The following CSMD1 variants were observed in gnomAD, a reference collection of about 807,000 sequenced individuals.
The protein encoded by CSMD1 is CUB and sushi domain-containing protein 1.
Under a neutral mutation model 417.5 loss-of-function variants are expected in CSMD1, and 213 were observed. That is an observed-to-expected ratio of 0.51 (90% CI 0.46 to 0.57). The LOEUF is 0.57. CSMD1 is among the 20% of genes least tolerant of loss of function. The probability of loss-of-function intolerance (pLI) is 0.00; values close to 1 mark genes in which losing one functional copy is unlikely to be tolerated. For missense variants in CSMD1, 6,923 were observed against 4,529.7 expected (o/e 1.53, Z -15.17); for synonymous variants, 2,862 against 1,736.8 (o/e 1.65, Z -16.11).
At chr8:4,073,851 C>T (rs923969805) in intron 3 of CSMD1, among the ~76,000 whole-genome samples, 1 of 152,014 alleles carries the variant, frequency 6.6e-6, no homozygotes, top group Non-Finnish European at 1.5e-5. Flanking sequence ...GGGTTTAAAA[C>T]AGTTTAAATT....
chr8:3,546,364 A>G (rs994703643), intron 10 of CSMD1, among the ~76,000 whole-genome samples: 1 of 151,954 alleles, frequency 6.6e-6, no homozygotes, highest in African/African-American at 2.4e-5. Flanking sequence ...TGAAATCCCC[A>G]TCTCTACTAA....
chr8:3,966,631 C>G (rs947615246), intron 5 of CSMD1, among the ~76,000 whole-genome samples: 1 of 151,844 alleles, frequency 6.6e-6, no homozygotes, highest in African/African-American at 2.4e-5. Context: ...TTTCAATTAG[C>G]CTGCAAGGTC....
chr8:4,069,378 T>A (rs996766399), intron 3 of CSMD1, among the ~76,000 whole-genome samples: 43 of 152,384 alleles, frequency 2.8e-4, no homozygotes, highest in African/African-American at 9.4e-4. Context: ...TTTTACTTTA[T>A]GCTTTCGTCT....
chr8:3,502,871 C>G (rs1468900287), intron 10 of CSMD1, among the ~76,000 whole-genome samples: 2 of 152,214 alleles, frequency 1.3e-5, no homozygotes, highest in Middle Eastern at 3.4e-3. Context: ...GGTAATTCAG[C>G]ATGAATCAAT....
At chr8:4,160,464 G>A (rs937655868) in intron 3 of CSMD1, among the ~76,000 whole-genome samples, 1 of 152,170 alleles carries the variant, frequency 6.6e-6, no homozygotes, top group East Asian at 1.9e-4. Context: ...AGTAAGTGTT[G>A]GTCATGTGTC....
intron 2 of CSMD1, among the ~76,000 whole-genome samples, chr8:4,574,597 G>C (rs886229997): frequency 2.6e-5 from 4 of 152,158 alleles, no homozygotes; most frequent in South Asian, 4.1e-4. Context: ...CAACTGCTTT[G>C]TGTGTCTCAA....
chr8:3,913,127 G>A (rs1260470257), intron 5 of CSMD1, among the ~76,000 whole-genome samples: 6 of 152,102 alleles, frequency 3.9e-5, no homozygotes, highest in Non-Finnish European at 4.4e-5. Context: ...TGGGGTTTTG[G>A]CACCTTGAAA....
rs557704451 is a variant in CSMD1, at chr8:4,261,258, G to A, written c.415+158695C>T. ...CTTGTGTAGTAGACTCAAAAAGAACGCCTGTTTTCTTCTCTTTCCTTTTTG... is the reference window on the plus strand; with the variant it reads ...CTTGTGTAGTAGACTCAAAAAGAACACCTGTTTTCTTCTCTTTCCTTTTTG... On this transcript the variant is annotated intron_variant, in intron 3 of 69. Transcript: ENST00000635120. Among the ~76,000 whole-genome samples, 14 of 152,216 alleles carry A rather than the reference G, an allele frequency of 9.2e-5. 1 individual carries two copies. Among genetic ancestry groups the A allele is most frequent in the Middle Eastern group, 3.4e-3 (1 of 294 alleles).
chr8:4,196,151 C>T (rs1199371150), intron 3 of CSMD1, among the ~76,000 whole-genome samples: 1 of 152,228 alleles, frequency 6.6e-6, no homozygotes, highest in East Asian at 1.9e-4. Flanking sequence ...GTGGAGCTTG[C>T]AGGGAGCCGA....
At chr8:3,560,276 G>A (rs1799413640) in intron 10 of CSMD1, among the ~76,000 whole-genome samples, 1 of 152,072 alleles carries the variant, frequency 6.6e-6, no homozygotes, top group South Asian at 2.1e-4. Context: ...TTACTTAGAA[G>A]CATTTCCACA....
intron 12 of CSMD1, among the ~76,000 whole-genome samples, chr8:3,412,875 C>T (rs1812901154): frequency 6.6e-6 from 1 of 152,194 alleles, no homozygotes; most frequent in Non-Finnish European, 1.5e-5. Flanking sequence ...CAAAACGCTG[C>T]ATGGTTTATA....
intron 10 of CSMD1, among the ~76,000 whole-genome samples, chr8:3,572,500 CTT>C (rs1799986868): frequency 6.6e-6 from 1 of 152,156 alleles, no homozygotes. Flanking sequence ...CTTTCACACA[CTT>C]TTAAAATTTG....
chr8:4,004,796 G>C (rs1363288420), intron 4 of CSMD1, among the ~76,000 whole-genome samples: 3 of 152,080 alleles, frequency 2.0e-5, no homozygotes, highest in Non-Finnish European at 2.9e-5. Context: ...CCAGGCTGGA[G>C]TGCAGTGGCG....
At chr8:3,201,076 T>G (rs1585637428) in intron 32 of CSMD1, among the ~76,000 whole-genome samples, 1 of 152,186 alleles carries the variant, frequency 6.6e-6, no homozygotes, top group African/African-American at 2.4e-5. Context: ...CTGTATGTGA[T>G]TTTAAGGGTA....
At chr8:4,484,090 C>G (rs1041828541) in intron 2 of CSMD1, among the ~76,000 whole-genome samples, 8 of 151,682 alleles carry the variant, frequency 5.3e-5, no homozygotes, top group African/African-American at 1.9e-4. Flanking sequence ...GAAAGGGTGT[C>G]TGTTAAACAG....
At chr8:3,091,920 C>T (rs905517957) in intron 47 of CSMD1, among the ~76,000 whole-genome samples, 3 of 152,060 alleles carry the variant, frequency 2.0e-5, no homozygotes, top group Non-Finnish European at 4.4e-5. Flanking sequence ...GTCTATAAAA[C>T]AGCAGTACCC....
intron 6 of CSMD1, among the ~76,000 whole-genome samples, chr8:3,715,984 C>G (rs1312764277): frequency 6.6e-6 from 1 of 152,222 alleles, no homozygotes; most frequent in African/African-American, 2.4e-5. Context: ...CTTTGCATCT[C>G]TTCCCATTCT....
rs542351811 is a variant in CSMD1 at position 3,532,345 on chromosome 8, T to C, written c.1345-38619A>G. 6.6e-5 allele frequency among the ~76,000 whole-genome samples: 10 copies of C among 152,312 alleles called. No homozygotes were observed. In the South Asian group the frequency reaches 1.2e-3, roughly 19 times the overall value. On this transcript the variant is annotated intron_variant, in intron 10 of 69. Coordinates refer to ENST00000635120, the MANE Select transcript of CSMD1 (RefSeq NM_033225.6). ...CAGGGTTTTAAGAATCTCCTGGCTA[T>C]TGGCACACATTTTCACACCAATCTG...
intron 2 of CSMD1, among the ~76,000 whole-genome samples, chr8:4,593,426 A>C (rs184875391): frequency 1.8e-3 from 273 of 152,326 alleles, no homozygotes; most frequent in Admixed American, 5.5e-3. Context: ...TTTCATTCCA[A>C]CTGAAATACC....
Sources: gnomAD v4.1 joint callset for allele counts (sites outside exome capture counted in the v4.1 genomes callset) on GRCh38, gnomAD v4.1.1 for gene constraint, MANE v1.5 for transcripts, NCBI Gene and HGNC (gene_info 2026-07-23, HGNC 2026-07-21) for gene names.